The following PKN2 variants were observed in gnomAD, a reference collection of about 807,000 sequenced individuals.
The protein encoded by PKN2 is serine/threonine-protein kinase N2.
A neutral mutation model predicts 119.1 loss-of-function variants in PKN2; 38 were observed. The observed-to-expected ratio is 0.32, with a 90% CI of 0.25 to 0.42. PKN2 has a LOEUF of 0.42. PKN2 is among the 10% of genes least tolerant of loss of function. The probability of loss-of-function intolerance (pLI) is 1.00; values close to 1 mark genes in which losing one functional copy is unlikely to be tolerated. For synonymous variants in PKN2, 390 were observed against 384.9 expected (o/e 1.01, Z -0.15); for missense variants, 850 against 1,165.1 (o/e 0.73, Z 3.94).
intron 15 of PKN2, among the ~76,000 whole-genome samples, chr1:88,810,328 G>A (rs887793597): frequency 9.3e-5 from 14 of 151,336 alleles, no homozygotes; most frequent in Middle Eastern, 3.4e-3. Context: ...CACCATGTTA[G>A]CCAGGCTGGT....
At chr1:88,775,413 C>T (rs1229176463) in intron 6 of PKN2, among the ~76,000 whole-genome samples, 2 of 152,126 alleles carry the variant, frequency 1.3e-5, no homozygotes, top group African/African-American at 4.8e-5. Context: ...TTTAAGTTTC[C>T]TCTATGTCTT....
intron 3 of PKN2, among the ~76,000 whole-genome samples, chr1:88,761,165 G>A (rs549627644): frequency 6.6e-6 from 1 of 152,086 alleles, no homozygotes; most frequent in Non-Finnish European, 1.5e-5. Flanking sequence ...TAGGTATAAT[G>A]CAGCAAAAAA....
chr1:88,813,406 A>G (rs924123226), intron 15 of PKN2, 151 bp from the exon 16 acceptor site: 5 of 553,940 alleles, frequency 9.0e-6, no homozygotes, highest in Non-Finnish European at 1.6e-5. Context: ...GTCAGTTTTC[A>G]TAGCACATAT....
chr1:88,778,052 C>T (rs1670177510), intron 6 of PKN2, among the ~76,000 whole-genome samples: 1 of 152,080 alleles, frequency 6.6e-6, no homozygotes, highest in South Asian at 2.1e-4. Flanking sequence ...TCTCTGAATC[C>T]ACCCGTGACC....
At chr1:88,709,700 C>T (rs1202130963) in intron 1 of PKN2, among the ~76,000 whole-genome samples, 2 of 152,118 alleles carry the variant, frequency 1.3e-5, no homozygotes, top group African/African-American at 4.8e-5. Context: ...AAACATATCA[C>T]TTGAACAAAA....
chr1:88,724,388 T>C (rs1323743353), intron 1 of PKN2, among the ~76,000 whole-genome samples: 1 of 152,172 alleles, frequency 6.6e-6, no homozygotes, highest in East Asian at 1.9e-4. Flanking sequence ...TTCTGTATTT[T>C]GAATTCTTGG....
At chr1:88,742,712 ATT>A (rs537311292) in intron 2 of PKN2, among the ~76,000 whole-genome samples, 1 of 147,386 alleles carries the variant, frequency 6.8e-6, no homozygotes, top group African/African-American at 2.5e-5. Flanking sequence ...CAAACTCTAC[ATT>A]TTTTTTTTTG....
At chr1:88,763,623 AAAAG>A (rs1305141782) in intron 3 of PKN2, among the ~76,000 whole-genome samples, 11 of 151,506 alleles carry the variant, frequency 7.3e-5, no homozygotes, top group African/African-American at 2.4e-4. Flanking sequence ...AAAAAAAAAA[AAAAG>A]AAAGTTCACA....
At chr1:88,791,341 G>A (rs1015371971) in intron 8 of PKN2, among the ~76,000 whole-genome samples, 2 of 151,642 alleles carry the variant, frequency 1.3e-5, no homozygotes, top group Admixed American at 6.6e-5. Flanking sequence ...GGAGGCTGAG[G>A]CATGCGAATT....
At chr1:88,773,845 T>C (rs1055077665) in intron 6 of PKN2, among the ~76,000 whole-genome samples, 4 of 152,120 alleles carry the variant, frequency 2.6e-5, no homozygotes, top group African/African-American at 9.7e-5. Flanking sequence ...ATCCTGGTGG[T>C]AACTACTGAG....
intron 8 of PKN2, among the ~76,000 whole-genome samples, chr1:88,796,058 A>C (rs1173391818): frequency 6.6e-6 from 1 of 152,222 alleles, no homozygotes; most frequent in East Asian, 1.9e-4. Flanking sequence ...GTGCATGCAT[A>C]CGCAAGGCAG....
intron 2 of PKN2, among the ~76,000 whole-genome samples, chr1:88,747,997 A>T (rs17130591): frequency 0.051 from 7,832 of 152,132 alleles, 388 homozygotes; most frequent in African/African-American, 0.12. Context: ...GATCATTAGT[A>T]AGTTGCTCTT....
chr1:88,833,034 T>C (rs1237537978), intron 20 of PKN2, 43 bp from the exon 21 acceptor site: 11 of 1,504,004 alleles, frequency 7.3e-6, no homozygotes, highest in South Asian at 1.2e-5. Flanking sequence ...TGAATTTTAT[T>C]CTATTGGTTT....
chr1:88,813,816 AT>A, intron 16 of PKN2, 83 bp downstream of exon 16: 14 of 1,185,340 alleles, frequency 1.2e-5, no homozygotes, highest in Non-Finnish European at 1.4e-5. Context: ...TGAATTTTAG[AT>A]TTTTTTTCCT....
In PKN2 at chr1:88,828,464, C is replaced by T. The variant is rs779608152; in HGVS notation, c.2420-17C>T. ...TGTTTTCTTTGCTAACAAATGTTTA[C>T]ATTTTATCTTTTCCAGGAATGGGAT... On this transcript the variant is annotated splice_polypyrimidine_tract_variant and intron_variant, in intron 18 of 21. Transcript: ENST00000370521. The T allele has an allele frequency of 5.0e-5, 79 of 1,569,894 alleles. No individual in the cohort carries two copies. The Middle Eastern group carries it at 3.1e-3, about 61-fold the overall frequency.
At chr1:88,749,373 C>T in intron 2 of PKN2, among the ~76,000 whole-genome samples, 1 of 150,120 alleles carries the variant, frequency 6.7e-6, no homozygotes, top group Non-Finnish European at 1.5e-5. Flanking sequence ...CCATTGCACT[C>T]CAGCCCGGCG....
chr1:88,736,672 C>A (rs1018479839), intron 1 of PKN2, among the ~76,000 whole-genome samples: 14 of 152,130 alleles, frequency 9.2e-5, no homozygotes, highest in Admixed American at 8.5e-4. Context: ...ATTCTTCATG[C>A]CTTTGGCCTG....
At chr1:88,798,710 A>C (rs2100859481) in intron 8 of PKN2, among the ~76,000 whole-genome samples, 1 of 152,344 alleles carries the variant, frequency 6.6e-6, no homozygotes, top group East Asian at 1.9e-4. Context: ...CACGGAGTGG[A>C]GTTCCAGAAG....
chr1:88,799,085 G>T (rs1246220593), intron 8 of PKN2, among the ~76,000 whole-genome samples: 3 of 152,216 alleles, frequency 2.0e-5, no homozygotes, highest in Non-Finnish European at 2.9e-5. Context: ...AATAGGTTTG[G>T]AATAATTAGG....
Sources: gnomAD v4.1 joint callset for allele counts (sites outside exome capture counted in the v4.1 genomes callset) on GRCh38, gnomAD v4.1.1 for gene constraint, MANE v1.5 for transcripts, NCBI Gene and HGNC (gene_info 2026-07-23, HGNC 2026-07-21) for gene names.